The following CIB4 variants were observed in gnomAD, a reference collection of about 807,000 sequenced individuals.
CIB4 encodes the protein calcium and integrin binding family member 4.
Under a neutral mutation model 25.8 loss-of-function variants are expected in CIB4, and 25 were observed. The observed-to-expected ratio is 0.97, with a 90% confidence interval of 0.71 to 1.35. The LOEUF (loss-of-function observed/expected upper bound fraction) is 1.35, where lower values mean the gene tolerates loss of function less well. Among genes scored for constraint, CIB4 ranks in the 40% most tolerant of loss-of-function variants. The pLI is 0.00. For synonymous variants in CIB4, 75 were observed against 81.4 expected, an observed-to-expected ratio of 0.92 and a Z score of 0.42; for missense variants, 235 against 228.2, an observed-to-expected ratio of 1.03 and a Z score of -0.19.
chr2:26,618,429 G>A (rs1315012164), intron 3 of CIB4, among the ~76,000 whole-genome samples: 6 of 152,156 alleles, frequency 3.9e-5, no homozygotes. Context: ...GAGGCTACAG[G>A]TGCACACCAC....
At chr2:26,622,692 T>TA (rs944334559) in intron 3 of CIB4, among the ~76,000 whole-genome samples, 4 of 151,376 alleles carry the variant, frequency 2.6e-5, no homozygotes, top group South Asian at 2.1e-4. Context: ...TTTAAAAACT[T>TA]AAAAAAAAGG....
intron 3 of CIB4, among the ~76,000 whole-genome samples, chr2:26,612,212 A>G (rs1208603767): frequency 6.6e-6 from 1 of 152,166 alleles, no homozygotes; most frequent in African/African-American, 2.4e-5. Flanking sequence ...AGACCCAGTG[A>G]GGGGCTGATG....
At chr2:26,600,696 T>C (rs1668765516) in intron 3 of CIB4, among the ~76,000 whole-genome samples, 1 of 152,182 alleles carries the variant, frequency 6.6e-6, no homozygotes, top group African/African-American at 2.4e-5. Flanking sequence ...ACCTTTTGTA[T>C]TTTAGTGCCT....
At chr2:26,632,697 C>T (rs749798212) in intron 2 of CIB4, among the ~76,000 whole-genome samples, 11 of 151,060 alleles carry the variant, frequency 7.3e-5, no homozygotes, top group Non-Finnish European at 1.3e-4. Flanking sequence ...GGTAGAGCTT[C>T]CAGTGAGCTG....
intron 3 of CIB4, among the ~76,000 whole-genome samples, chr2:26,597,081 G>T (rs576227857): frequency 6.6e-6 from 1 of 152,282 alleles, no homozygotes; most frequent in South Asian, 2.1e-4. Context: ...GCTTTGAAGA[G>T]AATATTTTTA....
chr2:26,581,678 T>A (rs1474282913), intron 6 of CIB4, among the ~76,000 whole-genome samples: 2 of 152,170 alleles, frequency 1.3e-5, no homozygotes, highest in Non-Finnish European at 2.9e-5. Context: ...GCAGTCGGGG[T>A]GCCAGCTTCA....
intron 3 of CIB4, among the ~76,000 whole-genome samples, chr2:26,611,648 T>A (rs1186158927): frequency 6.6e-6 from 1 of 152,070 alleles, no homozygotes; most frequent in Non-Finnish European, 1.5e-5. Flanking sequence ...CTAAAAAAAA[T>A]TCAAAAAATG....
chr2:26,626,693 T>A (rs1181516400), intron 3 of CIB4, among the ~76,000 whole-genome samples: 1 of 152,152 alleles, frequency 6.6e-6, no homozygotes, highest in Non-Finnish European at 1.5e-5. Flanking sequence ...GTGAGCAAGT[T>A]CGGGGGGAAG....
chr2:26,620,085 A>G (rs1479377169), intron 3 of CIB4, among the ~76,000 whole-genome samples: 2 of 149,706 alleles, frequency 1.3e-5, no homozygotes, highest in Non-Finnish European at 3.0e-5. Flanking sequence ...CCTGATCTAC[A>G]TCCCAGAATC....
chr2:26,641,151 C>G, intron 1 of CIB4, 110 bp downstream of exon 1: 1 of 889,182 alleles, frequency 1.1e-6, no homozygotes, highest in South Asian at 1.3e-5. Flanking sequence ...CCCAGGGAAG[C>G]CAAAAATTGG....
At chr2:26,595,124 T>G in intron 4 of CIB4, 52 bp downstream of exon 4, 2 of 1,552,214 alleles carry the variant, frequency 1.3e-6, no homozygotes, top group Non-Finnish European at 1.8e-6. Flanking sequence ...AGATACGGTA[T>G]GTTCTCTATG....
intron 2 of CIB4, among the ~76,000 whole-genome samples, chr2:26,633,972 C>T (rs1438006447): frequency 6.6e-6 from 1 of 152,186 alleles, no homozygotes; most frequent in Non-Finnish European, 1.5e-5. Context: ...TGACTCTAGT[C>T]TTTCGTGCCT....
Position 26,641,318 on chromosome 2 carries a change from A to C in CIB4, c.-4T>G. 6.2e-7 allele frequency: 1 copy of C among 1,613,346 alleles called. No individual in the cohort carries two copies. The highest frequency in any genetic ancestry group is 8.5e-7 in the Non-Finnish European group (1 of 1,179,414). ...GATACCTCAAGCATTGCCCCATGCC[A>C]ACCACACCTTTCTGTCTGCCAGCAG... On this transcript the variant is annotated 5_prime_UTR_variant, in exon 1 of 7. Transcript: ENST00000288861.
At chr2:26,614,633 G>A (rs772399466) in intron 3 of CIB4, among the ~76,000 whole-genome samples, 130 of 152,128 alleles carry the variant, frequency 8.5e-4, no homozygotes, top group Non-Finnish European at 1.4e-3. Flanking sequence ...TCCATCTCCC[G>A]AGCCTCCATT....
At chr2:26,585,018 T>C (rs1254145737) in intron 4 of CIB4, among the ~76,000 whole-genome samples, 1 of 152,148 alleles carries the variant, frequency 6.6e-6, no homozygotes, top group African/African-American at 2.4e-5. Context: ...GTCCTCCTTT[T>C]AGGGCCATAA....
chr2:26,596,681 G>A (rs767371810), intron 3 of CIB4, among the ~76,000 whole-genome samples: 1 of 151,838 alleles, frequency 6.6e-6, no homozygotes, highest in Non-Finnish European at 1.5e-5. Flanking sequence ...TGGGAGGCAG[G>A]GGCTGCAGTG....
chr2:26,615,778 C>T (rs1055384104), intron 3 of CIB4, among the ~76,000 whole-genome samples: 1 of 152,276 alleles, frequency 6.6e-6, no homozygotes, highest in African/African-American at 2.4e-5. Context: ...CGACCCAGAA[C>T]AGAGACTGCC....
intron 2 of CIB4, among the ~76,000 whole-genome samples, chr2:26,632,225 G>A (rs547856635): frequency 8.9e-4 from 136 of 152,330 alleles, no homozygotes; most frequent in African/African-American, 3.1e-3. Flanking sequence ...ACAGATGGGA[G>A]CTGGAGTGGC....
At chr2:26,612,392 G>A (rs552131156) in intron 3 of CIB4, among the ~76,000 whole-genome samples, 4 of 152,368 alleles carry the variant, frequency 2.6e-5, no homozygotes, top group African/African-American at 9.6e-5. Flanking sequence ...TGGAGCCAAA[G>A]ATGGGTAACT....
Sources: allele counts gnomAD v4.1 joint callset (sites outside exome capture counted in the v4.1 genomes callset), GRCh38; gene constraint gnomAD v4.1.1; transcripts MANE v1.5; gene names NCBI Gene and HGNC (gene_info 2026-07-23, HGNC 2026-07-21).